The following DNAAF9 variants were observed in gnomAD, a reference collection of about 807,000 sequenced individuals.
DNAAF9 encodes shulin.
Under a neutral mutation model 167.0 loss-of-function variants are expected in DNAAF9, and 90 were observed. The ratio of observed to expected loss-of-function variants is 0.54; its 90% confidence interval spans 0.45 to 0.64. The LOEUF (loss-of-function observed/expected upper bound fraction) is 0.64. Ranked by LOEUF, DNAAF9 falls within the 30% of genes least tolerant of loss-of-function variation. The probability of loss-of-function intolerance (pLI) is 0.00; values close to 1 mark genes in which losing one functional copy is unlikely to be tolerated. For synonymous variants in DNAAF9, 491 were observed against 508.8 expected, an observed-to-expected ratio of 0.96 and a Z score of 0.47; for missense variants, 1,315 against 1,442.2, an observed-to-expected ratio of 0.91 and a Z score of 1.43.
chr20:3,285,198 G>A (rs936694710), intron 27 of DNAAF9, among the ~76,000 whole-genome samples: 1 of 152,110 alleles, frequency 6.6e-6, no homozygotes, highest in African/African-American at 2.4e-5. Context: ...CCACTCTAGG[G>A]GCTAAAGAAA....
chr20:3,370,825 C>T (rs940410895), intron 6 of DNAAF9, among the ~76,000 whole-genome samples: 1 of 152,184 alleles, frequency 6.6e-6, no homozygotes, highest in African/African-American at 2.4e-5. Context: ...AAGTGTGAGC[C>T]ACTCACCAGG....
At chr20:3,307,139 G>C (rs1288543517) in intron 20 of DNAAF9, 1 of 984,932 alleles carries the variant, frequency 1.0e-6, no homozygotes, top group African/African-American at 1.7e-5. Flanking sequence ...AGATGGGAAA[G>C]GATGAGCGAG....
chr20:3,292,152 C>T (rs1296493845), intron 25 of DNAAF9, among the ~76,000 whole-genome samples: 4 of 152,092 alleles, frequency 2.6e-5, no homozygotes, highest in East Asian at 3.9e-4. Context: ...GCACCTGCCA[C>T]CAATGCCTGG....
chr20:3,290,351 C>T (rs1174266164), intron 25 of DNAAF9, 134 bp from the exon 26 acceptor site: 6 of 662,450 alleles, frequency 9.1e-6, no homozygotes, highest in African/African-American at 5.4e-5. Flanking sequence ...ACTCTGTGAC[C>T]TTAGGCCAAT....
intron 30 of DNAAF9, among the ~76,000 whole-genome samples, chr20:3,265,730 T>G (rs113360759): frequency 2.7e-5 from 4 of 146,852 alleles, no homozygotes; most frequent in African/African-American, 1.0e-4. Context: ...CAGGCTGGAG[T>G]GAAATGGCGT....
intron 28 of DNAAF9, among the ~76,000 whole-genome samples, chr20:3,280,033 T>C (rs35473609): frequency 0.26 from 39,406 of 152,074 alleles, 5,356 homozygotes; most frequent in East Asian, 0.37. Flanking sequence ...GAAACCAAAT[T>C]TGGTAGATGA....
chr20:3,293,268 G>C (rs544071392), intron 25 of DNAAF9, among the ~76,000 whole-genome samples: 1 of 125,418 alleles, frequency 8.0e-6, no homozygotes, highest in African/African-American at 3.2e-5. Context: ...ACTCTAGCCT[G>C]GGCAACAGAG....
At chr20:3,319,650 C>T (rs1568602167) in intron 16 of DNAAF9, among the ~76,000 whole-genome samples, 1 of 152,082 alleles carries the variant, frequency 6.6e-6, no homozygotes, top group Non-Finnish European at 1.5e-5. Context: ...GCCTGTCCCA[C>T]CCCTTAGGAC....
Position 3,407,611 on chromosome 20 carries a change from T to TC in DNAAF9, c.-55_-54insG. On this transcript the variant is annotated 5_prime_UTR_variant, in exon 1 of 37. Transcript: ENST00000252032. ...ACGGTGCAGCTGCGAGGGTCTCAGT[T>TC]GCCCGCAGGGCGGCTCCACGCTAGC... The TC allele has an allele frequency of 8.4e-7, 1 of 1,196,202 alleles. No homozygotes were observed. The highest frequency in any genetic ancestry group is 1.0e-6 in the Non-Finnish European group (1 of 965,576). 74.1% of individuals were successfully genotyped at this position (1,196,202 alleles called of 1,614,324 possible). A position where few individuals can be genotyped will look rare whatever the true frequency, so the allele number is the denominator to read the frequency against.
chr20:3,372,664 A>T lies in DNAAF9; in HGVS notation c.612+1384T>A, dbSNP rs190119334. 3.2e-3 allele frequency among the ~76,000 whole-genome samples: 490 copies of T among 152,300 alleles called. 6 individuals carry two copies. The highest frequency in any genetic ancestry group is 0.011 in the African/African-American group (455 of 41,582). Reference sequence around the variant, plus strand: ...TCCAATGTGATTCTAGCTGCAGCCCAGTGGTTAGGAGCACAGGCTCTGAAA... The same window carrying T: ...TCCAATGTGATTCTAGCTGCAGCCCTGTGGTTAGGAGCACAGGCTCTGAAA... On this transcript the variant is annotated intron_variant, in intron 6 of 36. Coordinates refer to ENST00000252032, the MANE Select transcript of DNAAF9 (RefSeq NM_001009984.3).
At chr20:3,303,084 AAAAC>A (rs2069221228) in intron 21 of DNAAF9, among the ~76,000 whole-genome samples, 1 of 152,072 alleles carries the variant, frequency 6.6e-6, no homozygotes, top group Non-Finnish European at 1.5e-5. Context: ...TAAAAATACA[AAAAC>A]AAAATTAGCC....
In DNAAF9 at chr20:3,278,964, G is replaced by A. The variant is rs761334133; in HGVS notation, c.2613-15C>T. On this transcript the variant is annotated splice_polypyrimidine_tract_variant and intron_variant, in intron 28 of 36. Transcript: ENST00000252032. Reference sequence around the variant, plus strand: ...GAAAGAGAAATCTAGGGGGAAAAAAGGGGGAAATATTTAAAAACCATTCAC... The same window carrying A: ...GAAAGAGAAATCTAGGGGGAAAAAAAGGGGAAATATTTAAAAACCATTCAC... 1.3e-6 allele frequency: 2 copies of A among 1,580,394 alleles called. No homozygotes were observed. The highest frequency in any genetic ancestry group is 1.7e-6 in the Non-Finnish European group (2 of 1,150,416).
Position 3,386,169 on chromosome 20 carries a change from A to G in DNAAF9, c.84-3663T>C, listed in dbSNP as rs2083733717. Among the ~76,000 whole-genome samples, 3 of 152,190 alleles carry G rather than the reference A, an allele frequency of 2.0e-5. No individual in the cohort carries two copies. The South Asian group carries it at 6.2e-4, about 32-fold the overall frequency. ...CATAAGGAAAAGCAAAGGAACTACA[A>G]TAGCTTAAAACTGTTTTGAAAAAGA... On this transcript the variant is annotated intron_variant, in intron 1 of 36. Transcript: ENST00000252032.
intron 30 of DNAAF9, among the ~76,000 whole-genome samples, chr20:3,266,334 C>T (rs77390952): frequency 6.6e-6 from 1 of 152,144 alleles, no homozygotes; most frequent in Non-Finnish European, 1.5e-5. Flanking sequence ...TGGAGTGGTA[C>T]TTTACACAGT....
At position 3,278,957 on chromosome 20, in the gene DNAAF9, GA is replaced by G. The variant is rs771863763; in HGVS notation, c.2613-9del. On this transcript the variant is annotated splice_polypyrimidine_tract_variant and intron_variant, in intron 28 of 36. Coordinates refer to ENST00000252032, the MANE Select transcript of DNAAF9 (RefSeq NM_001009984.3). ...CATTTAGGAAAGAGAAATCTAGGGG[GA>G]AAAAAGGGGGAAATATTTAAAAACC... 1.7e-5 allele frequency: 27 copies of G among 1,578,366 alleles called. No homozygotes were observed. Among genetic ancestry groups the G allele is most frequent in the Admixed American group, 3.5e-5 (2 of 57,568 alleles).
intron 20 of DNAAF9, among the ~76,000 whole-genome samples, chr20:3,310,333 A>AAGAAAG (rs1555790605): frequency 1.1e-3 from 116 of 106,178 alleles, no homozygotes; most frequent in African/African-American, 4.1e-3. Flanking sequence ...AAGAGAAAGA[A>AAGAAAG]AAAGAAAGAA....
At chr20:3,347,611 C>T (rs1016015442) in intron 8 of DNAAF9, among the ~76,000 whole-genome samples, 1 of 152,100 alleles carries the variant, frequency 6.6e-6, no homozygotes, top group African/African-American at 2.4e-5. Flanking sequence ...AACATAAGAG[C>T]ATTGTATTGT....
chr20:3,319,315 G>A (rs1390136874), intron 16 of DNAAF9, among the ~76,000 whole-genome samples: 2 of 145,512 alleles, frequency 1.4e-5, no homozygotes, highest in African/African-American at 5.0e-5. Context: ...AGCTTTTATG[G>A]CCAAGACAAA....
At chr20:3,332,911 G>GTGTGTGTT (rs2069866133) in intron 10 of DNAAF9, among the ~76,000 whole-genome samples, 3 of 144,822 alleles carry the variant, frequency 2.1e-5, no homozygotes, top group Non-Finnish European at 3.1e-5. Flanking sequence ...GTGTGTGTGT[G>GTGTGTGTT]TGTGTGTGTG....
Sources: allele counts gnomAD v4.1 joint callset (sites outside exome capture counted in the v4.1 genomes callset), GRCh38; gene constraint gnomAD v4.1.1; transcripts MANE v1.5; gene names NCBI Gene and HGNC (gene_info 2026-07-23, HGNC 2026-07-21).